Variants in PIK3CA observed in about 807,000 individuals in gnomAD.
The protein encoded by PIK3CA is phosphatidylinositol 4,5-bisphosphate 3-kinase catalytic subunit alpha isoform.
In PIK3CA, 27 loss-of-function variants were observed where a neutral mutation model predicts 138.2. That is an observed-to-expected ratio of 0.20 (90% CI 0.14 to 0.27). The LOEUF (loss-of-function observed/expected upper bound fraction) is 0.27. Ranked by LOEUF, PIK3CA falls within the 10% of genes least tolerant of loss-of-function variation. The probability of loss-of-function intolerance (pLI) is 1.00; values close to 1 mark genes in which losing one functional copy is unlikely to be tolerated. For synonymous variants in PIK3CA, 358 were observed against 413.2 expected, an observed-to-expected ratio of 0.87 and a Z score of 1.62; for missense variants, 544 against 1,277.4, an observed-to-expected ratio of 0.43 and a Z score of 8.75.
At chr3:179,222,687 C>T (rs1724996113) in intron 14 of PIK3CA, among the ~76,000 whole-genome samples, 1 of 152,212 alleles carries the variant, frequency 6.6e-6, no homozygotes, top group Non-Finnish European at 1.5e-5. Flanking sequence ...GGAGCTGCGG[C>T]TCGCTGCTGC....
In PIK3CA at chr3:179,230,343, C is replaced by G. The variant is rs2108425262; in HGVS notation, c.2903C>G (p.Ala968Gly). The G allele has an allele frequency of 6.2e-7, 1 of 1,607,034 alleles. No homozygotes were observed. The highest frequency in any genetic ancestry group is 1.1e-5 in the South Asian group (1 of 89,508). Reference sequence around the variant, plus strand: ...TTCTTAATAGTGATTAGTAAAGGAGCCCAAGAATGCACAAAGACAAGAGAA... The same window carrying G: ...TTCTTAATAGTGATTAGTAAAGGAGGCCAAGAATGCACAAAGACAAGAGAA... ...QDFLIVISKG[A>G]QECTKTREFE... The change falls in exon 20 of 21, where the codon GCC becomes GGC. Residue 968 changes from alanine to glycine, a missense_variant. By Grantham distance (60) the Ala-to-Gly change is moderately conservative. This residue lies in a region of PIK3CA where 72 missense variants were observed against 271.8 expected (regional missense o/e 0.26). Transcript: ENST00000263967. This position sits in a 1 kb window ranked among gnomAD's most constrained non-coding sequence, Gnocchi z 5.4.
chr3:179,220,099 T>TG lies in PIK3CA; in HGVS notation c.2015+48dup. On this transcript the variant is annotated intron_variant, in intron 13 of 20. Coordinates refer to ENST00000263967, the MANE Select transcript of PIK3CA (RefSeq NM_006218.4). The surrounding 1 kb of genome is among the most constrained non-coding windows in gnomAD (Gnocchi z 4.1). ...TTAAATTCTTAAGGTACATATTACTTGCTTTCTTAATAGATTTATAAATAT... is the reference window on the plus strand; with the variant it reads ...TTAAATTCTTAAGGTACATATTACTTGGCTTTCTTAATAGATTTATAAATAT... 1.5e-6 allele frequency: 2 copies of TG among 1,297,850 alleles called. No homozygotes were observed. Among genetic ancestry groups the TG allele is most frequent in the Middle Eastern group, 2.1e-4 (1 of 4,774 alleles). 80.4% of individuals were successfully genotyped at this position (1,297,850 alleles called of 1,614,324 possible).
Position 179,236,617 on chromosome 3 carries a change from C to CT in PIK3CA, c.*2254dup, listed in dbSNP as rs1725337622. ...ATTTATACCACTTTTGCATTTTTAT[C>CT]TATCAGTCCAGATAGTTGTCTCCCC... is the stretch of plus-strand genomic sequence containing the variant. On this transcript the variant is annotated 3_prime_UTR_variant, in exon 21 of 21. Coordinates refer to ENST00000263967, the MANE Select transcript of PIK3CA (RefSeq NM_006218.4). The CT allele has an allele frequency of 4.4e-6, 1 of 226,716 alleles. No homozygotes were observed. Among genetic ancestry groups the CT allele is most frequent in the Non-Finnish European group, 8.9e-6 (1 of 112,684 alleles). The allele number at this position is 226,716 out of a possible 1,614,324, so 14.0% of individuals were successfully genotyped here. A position where few individuals can be genotyped will look rare whatever the true frequency, so the allele number is the denominator to read the frequency against.
At chr3:179,168,412 C>G (rs942767927) in intron 1 of PIK3CA, among the ~76,000 whole-genome samples, 1 of 152,118 alleles carries the variant, frequency 6.6e-6, no homozygotes, top group Non-Finnish European at 1.5e-5. Context: ...GTTTTTCCAT[C>G]TCTGAAAGCT....
In PIK3CA at chr3:179,234,105, T is replaced by C; in HGVS notation, c.2948T>C (p.Met983Thr). 6.2e-7 allele frequency: 1 copy of C among 1,606,494 alleles called. No homozygotes were observed. The highest frequency in any genetic ancestry group is 8.5e-7 in the Non-Finnish European group (1 of 1,173,986). The change falls in exon 21 of 21, where the codon ATG (methionine) becomes ACG (threonine). Residue 983 changes from methionine to threonine, a missense_variant. Coordinates refer to ENST00000263967, the MANE Select transcript of PIK3CA (RefSeq NM_006218.4). The surrounding 1 kb of genome is among the most constrained non-coding windows in gnomAD (Gnocchi z 5.1). ...KTREFERFQE[M>T]CYKAYLAIRQ... The stretch of plus-strand genomic sequence containing the variant: ...CTTATTACTTATAGGTTTCAGGAGA[T>C]GTGTTACAAGGCTTATCTAGCTATT...
chr3:179,190,335 A>C (rs1724097960), intron 1 of PIK3CA, among the ~76,000 whole-genome samples: 3 of 149,116 alleles, frequency 2.0e-5, no homozygotes, highest in African/African-American at 7.4e-5. Context: ...AGCATAAAAG[A>C]CCCTATCCTG....
intron 1 of PIK3CA, among the ~76,000 whole-genome samples, chr3:179,174,930 A>T (rs1723658738): frequency 6.6e-6 from 1 of 152,050 alleles, no homozygotes; most frequent in Non-Finnish European, 1.5e-5. Flanking sequence ...CTTTGCAATA[A>T]CTCTCACATG....
intron 6 of PIK3CA, among the ~76,000 whole-genome samples, chr3:179,209,119 G>C (rs556555435): frequency 6.6e-6 from 1 of 151,032 alleles, no homozygotes; most frequent in Non-Finnish European, 1.5e-5. Flanking sequence ...TAATTGTATA[G>C]TTCAGTCACA....
intron 1 of PIK3CA, among the ~76,000 whole-genome samples, chr3:179,185,068 T>A (rs1723942824): frequency 6.6e-6 from 1 of 152,198 alleles, no homozygotes; most frequent in African/African-American, 2.4e-5. Flanking sequence ...GCAACTGTTT[T>A]CCAAGAAGTT....
rs1466121691 is a variant in PIK3CA, at chr3:179,226,807, G to A, written c.2495+767G>A. On this transcript the variant is annotated intron_variant, in intron 17 of 20. Coordinates refer to ENST00000263967, the MANE Select transcript of PIK3CA (RefSeq NM_006218.4). ...GTACCCTTTTATTGCAAAGAAGAAA[G>A]TGGACATTTCAGGTGACCTGCTAAG... is the stretch of plus-strand genomic sequence containing the variant. 2.0e-5 allele frequency among the ~76,000 whole-genome samples: 3 copies of A among 152,148 alleles called. No homozygotes were observed. The East Asian group carries it at 5.8e-4, about 29-fold the overall frequency.
chr3:179,206,913 C>T (rs1269825651), intron 6 of PIK3CA, among the ~76,000 whole-genome samples: 11 of 135,296 alleles, frequency 8.1e-5, no homozygotes, highest in East Asian at 2.1e-4. Flanking sequence ...AGTGAGACCC[C>T]GACTCAAAAA....
At chr3:179,158,731 A>C (rs1408306351) in intron 1 of PIK3CA, among the ~76,000 whole-genome samples, 1 of 152,190 alleles carries the variant, frequency 6.6e-6, no homozygotes, top group Non-Finnish European at 1.5e-5. Context: ...TTATGTAAAA[A>C]TAAGGAAAGC....
intron 14 of PIK3CA, among the ~76,000 whole-genome samples, chr3:179,222,568 G>T (rs1724992306): frequency 6.6e-6 from 1 of 152,146 alleles, no homozygotes; most frequent in South Asian, 2.1e-4. Context: ...TGGGCATTTT[G>T]TAGATGTGAT....
At chr3:179,179,102 C>T (rs945362015) in intron 1 of PIK3CA, among the ~76,000 whole-genome samples, 3 of 152,204 alleles carry the variant, frequency 2.0e-5, no homozygotes, top group South Asian at 2.1e-4. Flanking sequence ...AGACACCAAG[C>T]CAGCCTTGCA....
chr3:179,201,246 A>G (rs2108389162), intron 3 of PIK3CA, 44 bp from the exon 4 acceptor site: 2 of 1,533,468 alleles, frequency 1.3e-6, no homozygotes, highest in Non-Finnish European at 8.9e-7. Flanking sequence ...CCCTTGAAAA[A>G]TGAAAGAGAG....
intron 9 of PIK3CA, among the ~76,000 whole-genome samples, chr3:179,210,903 A>G (rs1724693035): frequency 6.6e-6 from 1 of 152,270 alleles, no homozygotes; most frequent in Non-Finnish European, 1.5e-5. Flanking sequence ...AGCAGATAAA[A>G]GCAGAAATAT....
intron 1 of PIK3CA, among the ~76,000 whole-genome samples, chr3:179,150,766 A>T (rs1004206553): frequency 6.6e-6 from 1 of 152,260 alleles, no homozygotes; most frequent in Non-Finnish European, 1.5e-5. Context: ...ACCCAAACTT[A>T]TAAATAATGC....
At chr3:179,232,781 T>G (rs576925436) in intron 20 of PIK3CA, among the ~76,000 whole-genome samples, 7 of 152,274 alleles carry the variant, frequency 4.6e-5, no homozygotes, top group African/African-American at 1.2e-4. Context: ...TGTTGGTGTA[T>G]AGCAATGCTG....
intron 6 of PIK3CA, among the ~76,000 whole-genome samples, chr3:179,209,082 C>T (rs977656095): frequency 2.0e-5 from 3 of 149,520 alleles, no homozygotes; most frequent in Non-Finnish European, 4.4e-5. Flanking sequence ...ACGTATGTAG[C>T]ACACATGCAT....
Sources: allele counts gnomAD v4.1 joint callset (sites outside exome capture counted in the v4.1 genomes callset), GRCh38; gene constraint gnomAD v4.1.1; regional missense constraint gnomAD v4.1.1; non-coding constraint Gnocchi (gnomAD v3.1); transcripts MANE v1.5; gene names NCBI Gene and HGNC (gene_info 2026-07-23, HGNC 2026-07-21).